The following NAALADL2 variants were observed in gnomAD, a reference collection of about 807,000 sequenced individuals.
NAALADL2 encodes the protein inactive N-acetylated-alpha-linked acidic dipeptidase-like protein 2.
NAALADL2 carries 76 observed loss-of-function variants against 87.2 expected under a neutral mutation model. The ratio of observed to expected loss-of-function variants is 0.87; its 90% CI spans 0.72 to 1.05. The LOEUF (loss-of-function observed/expected upper bound fraction) is 1.05. NAALADL2 is among the 50% of genes least tolerant of loss of function. NAALADL2 has a pLI of 0.00. For synonymous variants in NAALADL2, 354 were observed against 331.0 expected (o/e 1.07, Z -0.75); for missense variants, 1,089 against 945.8 (o/e 1.15, Z -1.99).
intron 5 of NAALADL2, among the ~76,000 whole-genome samples, chr3:175,423,257 T>G (rs1716145695): frequency 6.7e-6 from 1 of 150,284 alleles, no homozygotes; most frequent in Non-Finnish European, 1.5e-5. Context: ...CCGTTTAATT[T>G]CAGAGTCCAT....
chr3:175,180,958 C>A (rs1736376605), intron 2 of NAALADL2, among the ~76,000 whole-genome samples: 1 of 151,980 alleles, frequency 6.6e-6, no homozygotes, highest in Non-Finnish European at 1.5e-5. Context: ...GACCATTGAG[C>A]TCTAAAGTTT....
rs149649100 is a variant in NAALADL2, at chr3:174,841,849, T to G, written c.-9+104103T>G. Reference sequence around the variant, plus strand: ...ATTGGTAAATTCATCATTCTATGCTTGCATCAGGCAGTTAGCATGCATATT... The same window carrying G: ...ATTGGTAAATTCATCATTCTATGCTGGCATCAGGCAGTTAGCATGCATATT... On this transcript the variant is annotated intron_variant, in intron 3 of 3. Transcript: ENST00000434257. Among the ~76,000 whole-genome samples, 253 of 152,312 alleles carry G rather than the reference T, an allele frequency of 1.7e-3. 1 individual carries two copies. The highest frequency in any genetic ancestry group is 5.6e-3 in the African/African-American group (232 of 41,576).
upstream of NAALADL2, chr3:174,859,327 G>T: frequency 9.9e-7 from 1 of 1,012,454 alleles, no homozygotes; most frequent in South Asian, 1.4e-5. Flanking sequence ...TACTACAGTA[G>T]AAAGTCAGAA....
rs182767971 is a variant in NAALADL2, at chr3:175,001,006, A to G, written c.44-95784A>G. On this transcript the variant is annotated intron_variant, in intron 1 of 13. Transcript: ENST00000454872. ...TGCGCAGAAAACTCCAGTCCCATTT[A>G]TGGGATCCATAGCTAGGGTGGCCAA... Among the ~76,000 whole-genome samples the G allele has an allele frequency of 1.4e-4, 22 of 152,292 alleles. No individual in the cohort carries two copies. The East Asian group carries it at 2.5e-3, about 17-fold the overall frequency.
At chr3:175,302,782 A>G (rs1757241341) in intron 4 of NAALADL2, among the ~76,000 whole-genome samples, 1 of 151,998 alleles carries the variant, frequency 6.6e-6, no homozygotes, top group South Asian at 2.1e-4. Context: ...GCAGTCACAA[A>G]TATAAATGTA....
At chr3:175,427,754 T>C (rs1401617466) in intron 5 of NAALADL2, among the ~76,000 whole-genome samples, 2 of 151,602 alleles carry the variant, frequency 1.3e-5, no homozygotes, top group Non-Finnish European at 2.9e-5. Context: ...TTTTTAAAAT[T>C]TGCATATTTT....
chr3:175,771,144 AT>A (rs1207377761), intron 13 of NAALADL2, among the ~76,000 whole-genome samples: 3 of 152,104 alleles, frequency 2.0e-5, no homozygotes, highest in African/African-American at 7.2e-5. Context: ...TTGCCCTTTT[AT>A]TTTATGTATT....
intron 1 of NAALADL2, among the ~76,000 whole-genome samples, chr3:174,989,786 C>G (rs1040784817): frequency 2.6e-5 from 4 of 152,086 alleles, no homozygotes; most frequent in African/African-American, 9.7e-5. Flanking sequence ...TTTATAAGAT[C>G]TGGTCATTAA....
chr3:174,841,545 C>T (rs759169478), intron 3 of NAALADL2, among the ~76,000 whole-genome samples: 13 of 152,162 alleles, frequency 8.5e-5, no homozygotes, highest in Non-Finnish European at 1.8e-4. Flanking sequence ...AAAGATTTTA[C>T]CTCTCAGCAT....
At position 175,074,238 on chromosome 3, in the gene NAALADL2, T is replaced by A. The variant is rs190372551; in HGVS notation, c.44-22552T>A. ...TTTTTAGAATAATTACTAACCTTTG[T>A]TTAACTTTTGACTCACATGTCTCAG... On this transcript the variant is annotated intron_variant, in intron 1 of 13. Coordinates refer to ENST00000454872, the MANE Select transcript of NAALADL2 (RefSeq NM_207015.3). Among the ~76,000 whole-genome samples, 987 of 152,238 alleles carry A rather than the reference T, an allele frequency of 6.5e-3. 9 individuals carry two copies. The highest frequency in any genetic ancestry group is 0.023 in the African/African-American group (944 of 41,568).
intron 2 of NAALADL2, among the ~76,000 whole-genome samples, chr3:174,733,034 A>T (rs1343586894): frequency 6.6e-6 from 1 of 152,204 alleles, no homozygotes; most frequent in Non-Finnish European, 1.5e-5. Context: ...ATGTATAGAG[A>T]AAAACATCCT....
rs112860473 is a variant in NAALADL2, at chr3:175,147,529, G to T, written c.545+50238G>T. ...AGGTTGATGATATGTTTTTGCTATT[G>T]TGAATAGTGCTGCAATGAACATGTG... On this transcript the variant is annotated intron_variant, in intron 2 of 13. Coordinates refer to ENST00000454872, the MANE Select transcript of NAALADL2 (RefSeq NM_207015.3). Among the ~76,000 whole-genome samples, 681 of 152,132 alleles carry T rather than the reference G, an allele frequency of 4.5e-3. 8 individuals carry two copies. The highest frequency in any genetic ancestry group is 0.015 in the African/African-American group (626 of 41,508).
At chr3:175,504,114 A>G (rs746442064) in intron 9 of NAALADL2, among the ~76,000 whole-genome samples, 10 of 152,162 alleles carry the variant, frequency 6.6e-5, no homozygotes, top group Non-Finnish European at 1.2e-4. Context: ...GTATAAATGT[A>G]AAGAATGTTT....
chr3:174,841,110 C>A (rs1388801964), intron 3 of NAALADL2, among the ~76,000 whole-genome samples: 3 of 150,522 alleles, frequency 2.0e-5, no homozygotes, highest in Admixed American at 1.3e-4. Context: ...AAAGTAATAA[C>A]AAATCAAAGA....
At chr3:174,956,624 T>C (rs940012849) in intron 1 of NAALADL2, among the ~76,000 whole-genome samples, 2 of 152,110 alleles carry the variant, frequency 1.3e-5, no homozygotes, top group Non-Finnish European at 2.9e-5. Flanking sequence ...AGGCTTTATG[T>C]ATAATCCATA....
chr3:175,330,899 A>G (rs1488929231), intron 5 of NAALADL2, among the ~76,000 whole-genome samples: 1 of 152,114 alleles, frequency 6.6e-6, no homozygotes, highest in African/African-American at 2.4e-5. Context: ...TAGATAAACC[A>G]CTGATTAGAT....
At chr3:174,622,822 C>A (rs1165202676) in intron 2 of NAALADL2, among the ~76,000 whole-genome samples, 1 of 152,198 alleles carries the variant, frequency 6.6e-6, no homozygotes, top group South Asian at 2.1e-4. Flanking sequence ...GGGCGAATCA[C>A]GAGGTCGGGA....
chr3:174,723,755 CAAAAAAAAAAAAAAAAAA>C lies in NAALADL2; in HGVS notation c.-114-13875_-114-13858del, dbSNP rs10663395. Among the ~76,000 whole-genome samples the C allele has an allele frequency of 5.8e-4, 16 of 27,562 alleles. 1 individual carries two copies. Among genetic ancestry groups the C allele is most frequent in the Admixed American group, 7.9e-4 (1 of 1,258 alleles). The allele number at this position is 27,562 out of a possible 152,430, so 18.1% of individuals were successfully genotyped here. A position where few individuals can be genotyped will look rare whatever the true frequency, so the allele number is the denominator to read the frequency against. On this transcript the variant is annotated intron_variant, in intron 2 of 3. Coordinates refer to the NAALADL2 transcript ENST00000434257. ...TGGGTGACAGAGCAAGACTCCGTCT[CAAAAAAAAAAAAAAAAAA>C]AAAAAAAAAAGCCTAGATAGAAGTA...
At chr3:174,653,756 C>G (rs1351500312) in intron 2 of NAALADL2, among the ~76,000 whole-genome samples, 7 of 151,934 alleles carry the variant, frequency 4.6e-5, no homozygotes, top group African/African-American at 7.3e-5. Context: ...TATTGGAAGG[C>G]CTTATAATGT....
Sources: allele counts gnomAD v4.1 joint callset (sites outside exome capture counted in the v4.1 genomes callset), GRCh38; gene constraint gnomAD v4.1.1; transcripts MANE v1.5; gene names NCBI Gene and HGNC (gene_info 2026-07-23, HGNC 2026-07-21).